FAM149B1: variants seen among roughly 807,000 people sequenced by gnomAD.
FAM149B1 encodes family with sequence similarity 149 member B1.
In FAM149B1, 56 loss-of-function variants were observed where a neutral mutation model predicts 75.3. The observed-to-expected ratio is 0.74, with a 90% CI of 0.60 to 0.93. FAM149B1 has a LOEUF of 0.93. Among genes scored for constraint, FAM149B1 ranks in the 40% least tolerant of loss-of-function variants. The pLI, the probability that FAM149B1 is intolerant of heterozygous loss-of-function variation, is 0.00. For missense variants in FAM149B1, 639 were observed against 708.4 expected (o/e 0.90, Z 1.11); for synonymous variants, 259 against 256.1 (o/e 1.01, Z -0.11).
At chr10:73,193,708 C>A in intron 5 of FAM149B1, 115 bp downstream of exon 5, 1 of 998,398 alleles carries the variant, frequency 1.0e-6, no homozygotes, top group Non-Finnish European at 1.4e-6. Flanking sequence ...TTTAGTAAAG[C>A]ATAGCAAATT....
intron 13 of FAM149B1, among the ~76,000 whole-genome samples, chr10:73,239,934 ATG>A (rs2043903951): frequency 6.6e-6 from 1 of 152,146 alleles, no homozygotes; most frequent in African/African-American, 2.4e-5. Flanking sequence ...AAATTGAGGG[ATG>A]TCTTTTTTGA....
At chr10:73,191,826 T>C (rs2042691800) in intron 3 of FAM149B1, among the ~76,000 whole-genome samples, 1 of 152,212 alleles carries the variant, frequency 6.6e-6, no homozygotes, top group African/African-American at 2.4e-5. Flanking sequence ...TATTTTTTCT[T>C]TATACTTTTC....
chr10:73,221,195 T>G (rs1243855106), intron 7 of FAM149B1, among the ~76,000 whole-genome samples: 4 of 152,202 alleles, frequency 2.6e-5, no homozygotes, highest in Admixed American at 1.3e-4. Flanking sequence ...TGGTAATGAT[T>G]GCACAACATT....
intron 7 of FAM149B1, 122 bp from the exon 8 acceptor site, chr10:73,227,938 C>A: frequency 9.5e-7 from 1 of 1,056,342 alleles, no homozygotes; most frequent in Non-Finnish European, 1.4e-6. Flanking sequence ...TAAAATTGTA[C>A]TGCAAAGATA....
chr10:73,192,716 T>G lies in FAM149B1; in HGVS notation c.425+18T>G. 1 of 1,505,622 alleles carries G rather than the reference T, an allele frequency of 6.6e-7. No individual in the cohort carries two copies. The highest frequency in any genetic ancestry group is 8.8e-7 in the Non-Finnish European group (1 of 1,131,100). 93.3% of individuals were successfully genotyped at this position (1,505,622 alleles called of 1,614,324 possible). On this transcript the variant is annotated intron_variant, in intron 4 of 13. Transcript: ENST00000242505. ...CACCTCAGGTACTGAAGCCCTCCAG[T>G]TGACTTGTATTCATGGCTAATACTA... is the stretch of plus-strand genomic sequence containing the variant.
chr10:73,215,244 C>T (rs1354334935), intron 7 of FAM149B1, among the ~76,000 whole-genome samples: 3 of 152,162 alleles, frequency 2.0e-5, no homozygotes, highest in Non-Finnish European at 4.4e-5. Flanking sequence ...TGGTCTTGAA[C>T]TCCTCACCTC....
At chr10:73,210,492 C>T (rs1477166163) in intron 7 of FAM149B1, 54 bp downstream of exon 7, 3 of 1,273,476 alleles carry the variant, frequency 2.4e-6, no homozygotes, top group Non-Finnish European at 3.3e-6. Context: ...ATTTCTAAAC[C>T]CTAACCAGTC....
chr10:73,215,362 T>C (rs772146528), intron 7 of FAM149B1, among the ~76,000 whole-genome samples: 29 of 151,932 alleles, frequency 1.9e-4, no homozygotes, highest in Non-Finnish European at 3.8e-4. Flanking sequence ...TGTTAGGTAG[T>C]TGTGATCTTT....
At chr10:73,184,180 C>T (rs182206295) in intron 3 of FAM149B1, among the ~76,000 whole-genome samples, 31 of 152,130 alleles carry the variant, frequency 2.0e-4, no homozygotes, top group Middle Eastern at 3.4e-3. Context: ...GCAAAAACTG[C>T]TTGAATTTGA....
intron 2 of FAM149B1, among the ~76,000 whole-genome samples, chr10:73,175,397 C>T (rs930030780): frequency 3.3e-5 from 5 of 151,730 alleles, no homozygotes; most frequent in African/African-American, 1.2e-4. Context: ...GGGCCGGGCG[C>T]GGTGGCTCAC....
intron 12 of FAM149B1, among the ~76,000 whole-genome samples, chr10:73,238,148 C>T (rs921802739): frequency 3.9e-5 from 6 of 152,018 alleles, no homozygotes; most frequent in Admixed American, 3.3e-4. Flanking sequence ...GAGTTTGAGA[C>T]CAGCCTGGTT....
chr10:73,205,795 G>A (rs967877983), intron 5 of FAM149B1, among the ~76,000 whole-genome samples: 25 of 152,068 alleles, frequency 1.6e-4, no homozygotes, highest in Non-Finnish European at 3.1e-4. Flanking sequence ...CTCGTGATCC[G>A]CCTGCCTCAG....
intron 3 of FAM149B1, among the ~76,000 whole-genome samples, chr10:73,188,718 C>G (rs2042593333): frequency 7.4e-6 from 1 of 135,666 alleles, no homozygotes; most frequent in African/African-American, 2.9e-5. Context: ...GAGAGAGACT[C>G]TGTCTCAGAA....
At chr10:73,226,379 C>T (rs1287645963) in intron 7 of FAM149B1, among the ~76,000 whole-genome samples, 3 of 152,206 alleles carry the variant, frequency 2.0e-5, no homozygotes, top group South Asian at 2.1e-4. Flanking sequence ...GTGGCGGGCA[C>T]CTGTAGTCCC....
chr10:73,199,106 A>C (rs2042873796), intron 5 of FAM149B1, among the ~76,000 whole-genome samples: 1 of 152,228 alleles, frequency 6.6e-6, no homozygotes, highest in Admixed American at 6.5e-5. Context: ...AGAAGAATAA[A>C]GTTCTGTCAC....
chr10:73,232,271 G>C (rs965805932), intron 9 of FAM149B1, among the ~76,000 whole-genome samples: 1 of 152,144 alleles, frequency 6.6e-6, no homozygotes, highest in Admixed American at 6.5e-5. Context: ...CTACTGAACT[G>C]TTTAGGTGTG....
chr10:73,200,789 T>G, intron 5 of FAM149B1: 1 of 472,240 alleles, frequency 2.1e-6, no homozygotes, highest in Non-Finnish European at 4.2e-6. Flanking sequence ...GGAATGGAAG[T>G]TGGATATACT....
At chr10:73,230,359 T>C (rs2043657740) in intron 8 of FAM149B1, 63 bp from the exon 9 acceptor site, 2 of 878,604 alleles carry the variant, frequency 2.3e-6, no homozygotes, top group African/African-American at 3.4e-5. Context: ...TTTGGCAAAG[T>C]TGGAAAACCA....
intron 3 of FAM149B1, among the ~76,000 whole-genome samples, chr10:73,189,284 CA>C (rs2042622451): frequency 6.6e-6 from 1 of 152,194 alleles, no homozygotes; most frequent in Admixed American, 6.5e-5. Flanking sequence ...AATGCTCACA[CA>C]TTTCTGGTAG....
Sources: allele counts gnomAD v4.1 joint callset (sites outside exome capture counted in the v4.1 genomes callset), GRCh38; gene constraint gnomAD v4.1.1; transcripts MANE v1.5; gene names NCBI Gene and HGNC (gene_info 2026-07-23, HGNC 2026-07-21).